Variants in KDM3B observed in about 807,000 individuals in gnomAD.
KDM3B encodes the protein lysine demethylase 3B.
A neutral mutation model predicts 170.0 loss-of-function variants in KDM3B; 10 were observed. The ratio of observed to expected loss-of-function variants is 0.06; its 90% CI spans 0.04 to 0.10. KDM3B has a LOEUF of 0.10. KDM3B is among the 10% of genes least tolerant of loss of function. The pLI, the probability that KDM3B is intolerant of heterozygous loss-of-function variation, is 1.00. For missense variants in KDM3B, 1,394 were observed against 2,195.2 expected (o/e 0.64, Z 7.29); for synonymous variants, 831 against 834.8 (o/e 1.00, Z 0.08).
intron 7 of KDM3B, among the ~76,000 whole-genome samples, 195 bp downstream of exon 7, chr5:138,386,816 G>T (rs969945341): frequency 3.9e-5 from 6 of 152,164 alleles, no homozygotes; most frequent in African/African-American, 1.4e-4. Flanking sequence ...GCTCTTAAAA[G>T]GCACCAGAAC....
chr5:138,405,106 C>A (rs73257862), intron 11 of KDM3B, among the ~76,000 whole-genome samples: 38,380 of 147,848 alleles, frequency 0.26, 5,573 homozygotes, highest in East Asian at 0.57. Context: ...TGCGGTGGTG[C>A]GATCTTGGCT....
At chr5:138,425,749 T>C in intron 17 of KDM3B, 167 bp downstream of exon 17, 1 of 596,360 alleles carries the variant, frequency 1.7e-6, no homozygotes, top group African/African-American at 1.8e-5. Context: ...TGCTCGCTCC[T>C]GTAATTTCAG....
At chr5:138,390,210 A>G (rs114999464) in intron 7 of KDM3B, among the ~76,000 whole-genome samples, 1,960 of 152,158 alleles carry the variant, frequency 0.013, 42 homozygotes, top group African/African-American at 0.044. Flanking sequence ...TTTTGAAGGT[A>G]AAAGAAGGAA....
At position 138,352,964 on chromosome 5, in the gene KDM3B, G is replaced by C; in HGVS notation, c.169G>C (p.Gly57Arg). 1 of 1,260,074 alleles carries C rather than the reference G, an allele frequency of 7.9e-7. No individual in the cohort carries two copies. The highest frequency in any genetic ancestry group is 9.9e-7 in the Non-Finnish European group (1 of 1,005,674). The allele number at this position is 1,260,074 out of a possible 1,614,324, so 78.1% of individuals were successfully genotyped here. A position where few individuals can be genotyped will look rare whatever the true frequency, so the allele number is the denominator to read the frequency against. The change falls in exon 1 of 24, where the codon GGG (glycine) becomes CGG (arginine). Residue 57 changes from glycine (G) to arginine (R), a missense_variant. Physicochemically the swap from Gly to Arg is moderately radical, Grantham distance 125. Transcript: ENST00000314358. The stretch of plus-strand genomic sequence containing the variant: ...GGCCGGCACGGTGCGGGCCATGAGC[G>C]GGGCGGTGCCCCAGGACCTAGCGGT... Reference protein sequence around the residue: ...WRAGTVRAMSGAVPQDLAIFV... With the variant: ...WRAGTVRAMSRAVPQDLAIFV...
In KDM3B at chr5:138,423,993, G is replaced by A. The variant is rs920321938; in HGVS notation, c.3973-82G>A. On this transcript the variant is annotated intron_variant, in intron 15 of 23. Transcript: ENST00000314358. ...AATCAGACAGGTCAGAACTCCTTGT[G>A]AATACAATTGTGAGACAGTTTTTTG... 2.7e-5 allele frequency: 38 copies of A among 1,398,090 alleles called. No homozygotes were observed. The African/African-American group carries it at 5.1e-4, about 19-fold the overall frequency. The allele number at this position is 1,398,090 out of a possible 1,614,324, so 86.6% of individuals were successfully genotyped here.
At chr5:138,399,258 G>A (rs1340737225) in intron 10 of KDM3B, among the ~76,000 whole-genome samples, 6 of 151,712 alleles carry the variant, frequency 4.0e-5, no homozygotes, top group South Asian at 4.2e-4. Context: ...TTTCAATTCC[G>A]GCTGGGCACA....
In KDM3B at chr5:138,386,545, G is replaced by A. The variant is rs1219617400; in HGVS notation, c.1304G>A (p.Arg435Lys). 3 of 1,614,092 alleles carry A rather than the reference G, an allele frequency of 1.9e-6. No homozygotes were observed. The highest frequency in any genetic ancestry group is 1.3e-5 in the African/African-American group (1 of 74,934). Reference protein sequence around the residue: ...TTASSTPNTVRISDTGLAAGT... With the variant: ...TTASSTPNTVKISDTGLAAGT... ...GCCAGCTCCACCCCAAACACAGTGA[G>A]GATCTCAGACACTGGCCTTGCAGCA... Residue 435 changes from arginine to lysine, a missense_variant, in exon 7 of 24, where the codon AGG (arginine) becomes AAG (lysine). Around this residue, in one of 19 missense-constraint regions of KDM3B, gnomAD observed 205 missense variants for 227.6 expected, o/e 0.90. Transcript: ENST00000314358.
chr5:138,408,905 C>T (rs563349649), intron 11 of KDM3B, among the ~76,000 whole-genome samples: 13 of 152,206 alleles, frequency 8.5e-5, no homozygotes, highest in Middle Eastern at 6.8e-3. Context: ...AAAATGTTAA[C>T]AATTTTTTGT....
intron 11 of KDM3B, among the ~76,000 whole-genome samples, chr5:138,410,192 CAGT>C (rs1407505623): frequency 6.6e-6 from 1 of 152,186 alleles, no homozygotes; most frequent in South Asian, 2.1e-4. Flanking sequence ...ATCAAAGTCT[CAGT>C]AGGCCATTTT....
At chr5:138,390,509 A>G (rs893861114) in intron 7 of KDM3B, among the ~76,000 whole-genome samples, 3 of 152,224 alleles carry the variant, frequency 2.0e-5, no homozygotes, top group Non-Finnish European at 2.9e-5. Flanking sequence ...AACGTGCAGT[A>G]GGCTTGTCCT....
intron 15 of KDM3B, among the ~76,000 whole-genome samples, chr5:138,423,029 T>G (rs1308663756): frequency 6.6e-6 from 1 of 152,182 alleles, no homozygotes; most frequent in East Asian, 1.9e-4. Context: ...AGCCTCCACT[T>G]CCCAGGTTCA....
intron 1 of KDM3B, among the ~76,000 whole-genome samples, chr5:138,359,490 A>G (rs1761544905): frequency 7.4e-6 from 1 of 134,310 alleles, no homozygotes; most frequent in Non-Finnish European, 1.6e-5. Context: ...TTTTTTTTTA[A>G]GAGATTGGGT....
chr5:138,419,874 G>T (rs952909992), intron 14 of KDM3B, among the ~76,000 whole-genome samples: 51 of 150,624 alleles, frequency 3.4e-4, no homozygotes, highest in African/African-American at 1.2e-3. Context: ...TATACAAGGG[G>T]TTTTTTTTGT....
At chr5:138,390,903 G>GTT in intron 7 of KDM3B, 110 bp from the exon 8 acceptor site, 1 of 1,064,814 alleles carries the variant, frequency 9.4e-7, no homozygotes, top group Non-Finnish European at 1.3e-6. Flanking sequence ...AAAGAGAAAA[G>GTT]TTGATGGACC....
intron 1 of KDM3B, among the ~76,000 whole-genome samples, chr5:138,353,566 A>T (rs955447961): frequency 1.3e-5 from 2 of 152,020 alleles, no homozygotes; most frequent in Non-Finnish European, 2.9e-5. Flanking sequence ...AGCTCTCGGC[A>T]CTGTCTCGAG....
intron 23 of KDM3B, among the ~76,000 whole-genome samples, chr5:138,432,208 T>C (rs1763552782): frequency 6.6e-6 from 1 of 152,178 alleles, no homozygotes; most frequent in African/African-American, 2.4e-5. Context: ...TGAGAAGAAA[T>C]ATTGCGCTGA....
chr5:138,373,077 G>A (rs1000073473), intron 2 of KDM3B, among the ~76,000 whole-genome samples: 36 of 152,222 alleles, frequency 2.4e-4, no homozygotes, highest in African/African-American at 8.2e-4. Context: ...GGTGGCTCAC[G>A]CCTTGTAATC....
intron 1 of KDM3B, among the ~76,000 whole-genome samples, chr5:138,362,591 A>G (rs888581192): frequency 1.4e-5 from 2 of 146,716 alleles, no homozygotes; most frequent in Non-Finnish European, 3.0e-5. Context: ...CACACAAAAT[A>G]TCTTAAGTGA....
At position 138,391,278 on chromosome 5, in the gene KDM3B, A is replaced by T. The variant is rs1441658082; in HGVS notation, c.1646A>T (p.Asp549Val). ...ACTACTGTTTCAGAGAGTTTGGCTGATGATTCTTCTAGTCGGGACTCATTC... is the reference window on the plus strand; with the variant it reads ...ACTACTGTTTCAGAGAGTTTGGCTGTTGATTCTTCTAGTCGGGACTCATTC... ...YFTTVSESLA[D>V]DSSSRDSFKQ... The change falls in exon 8 of 24, where the codon GAT (aspartate) becomes GTT (valine). Residue 549 changes from aspartate to valine, a missense_variant. Transcript: ENST00000314358. This position sits in a 1 kb window ranked among gnomAD's most constrained non-coding sequence, Gnocchi z 5.0. 6.2e-7 allele frequency: 1 copy of T among 1,614,190 alleles called. No homozygotes were observed. The highest frequency in any genetic ancestry group is 1.7e-5 in the Admixed American group (1 of 60,020).
Sources: gnomAD v4.1 joint callset for allele counts (sites outside exome capture counted in the v4.1 genomes callset) on GRCh38, gnomAD v4.1.1 for gene constraint, gnomAD v4.1.1 regional missense constraint, Gnocchi (gnomAD v3.1) non-coding constraint, MANE v1.5 for transcripts, NCBI Gene and HGNC (gene_info 2026-07-23, HGNC 2026-07-21) for gene names.